The following GFPT2 variants were observed in gnomAD, a reference collection of about 807,000 sequenced individuals.
GFPT2 encodes the protein glutamine--fructose-6-phosphate aminotransferase [isomerizing] 2.
GFPT2 carries 62 observed loss-of-function variants against 85.6 expected under a neutral mutation model. The observed-to-expected ratio is 0.72, with a 90% CI of 0.59 to 0.90. GFPT2 has a LOEUF of 0.90. GFPT2 is among the 40% of genes least tolerant of loss of function. The pLI is 0.00. For missense variants in GFPT2, 788 were observed against 893.4 expected (o/e 0.88, Z 1.50); for synonymous variants, 368 against 344.5 (o/e 1.07, Z -0.75).
At position 180,330,901 on chromosome 5, in the gene GFPT2, T is replaced by C; in HGVS notation, c.400-67A>G. The C allele has an allele frequency of 7.0e-7, 1 of 1,436,540 alleles. No individual in the cohort carries two copies. The highest frequency in any genetic ancestry group is 1.4e-5 in the African/African-American group (1 of 71,578). 89.0% of individuals were successfully genotyped at this position (1,436,540 alleles called of 1,614,324 possible). ...CACAATGCCTGCCTGGCCAACTCCC[T>C]CTCCTCCCTGGTGATCTGCCCTTGG... On this transcript the variant is annotated intron_variant, in intron 5 of 18. Coordinates refer to ENST00000253778, the MANE Select transcript of GFPT2 (RefSeq NM_005110.4). The surrounding 1 kb of genome is among the most constrained non-coding windows in gnomAD (Gnocchi z 4.4).
intron 18 of GFPT2, among the ~76,000 whole-genome samples, chr5:180,302,219 G>A (rs1387912710): frequency 6.6e-6 from 1 of 151,354 alleles, no homozygotes; most frequent in Non-Finnish European, 1.5e-5. Flanking sequence ...CCCAGGAGGT[G>A]GAGCTTGCAG....
intron 2 of GFPT2, among the ~76,000 whole-genome samples, 158 bp downstream of exon 2, chr5:180,338,335 A>G (rs551770856): frequency 7.9e-5 from 12 of 152,152 alleles, no homozygotes; most frequent in African/African-American, 2.9e-4. Flanking sequence ...TAGTTTTCGA[A>G]TTTCTTTAAC....
At chr5:180,314,847 A>G (rs1763969701) in intron 13 of GFPT2, among the ~76,000 whole-genome samples, 1 of 152,208 alleles carries the variant, frequency 6.6e-6, no homozygotes, top group South Asian at 2.1e-4. Context: ...GCTGACTTCT[A>G]TACACACAGA....
In GFPT2 at chr5:180,307,147, GGGGGTGGGGGC is replaced by G. The variant is rs753971807; in HGVS notation, c.1674+18_1674+28del. 1.5e-5 allele frequency: 14 copies of G among 952,178 alleles called. No homozygotes were observed. The East Asian group carries it at 8.5e-4, about 58-fold the overall frequency. The allele number at this position is 952,178 out of a possible 1,614,324, so 59.0% of individuals were successfully genotyped here. ...AGGGTCTCCTGTGCCTGTCCTCCGT[GGGGGTGGGGGC>G]TGGGGGTGGGGGCTCACCAGGGCTC... On this transcript the variant is annotated intron_variant, in intron 16 of 18. Transcript: ENST00000253778.
chr5:180,336,928 A>G (rs1485801718), intron 2 of GFPT2, among the ~76,000 whole-genome samples: 1 of 152,222 alleles, frequency 6.6e-6, no homozygotes, highest in Non-Finnish European at 1.5e-5. Flanking sequence ...TCGCATTGTG[A>G]TATTTCGTTG....
intron 16 of GFPT2, among the ~76,000 whole-genome samples, chr5:180,306,534 C>G (rs1763781546): frequency 6.6e-6 from 1 of 152,262 alleles, no homozygotes; most frequent in Non-Finnish European, 1.5e-5. Flanking sequence ...GCACCCTGTC[C>G]CTGCCCCATC....
chr5:180,338,075 A>G (rs1260395057), intron 2 of GFPT2, among the ~76,000 whole-genome samples: 4 of 152,144 alleles, frequency 2.6e-5, no homozygotes, highest in Admixed American at 2.0e-4. Flanking sequence ...CAGTGAGCCA[A>G]TTTCTTGGAA....
chr5:180,327,332 TA>T (rs994639309), intron 7 of GFPT2, among the ~76,000 whole-genome samples: 3 of 152,196 alleles, frequency 2.0e-5, no homozygotes, highest in Non-Finnish European at 2.9e-5. Flanking sequence ...CAGGTGTCAG[TA>T]AACACACACT....
At chr5:180,315,428 T>C (rs889197849) in intron 13 of GFPT2, among the ~76,000 whole-genome samples, 1 of 152,170 alleles carries the variant, frequency 6.6e-6, no homozygotes, top group Non-Finnish European at 1.5e-5. Flanking sequence ...TCCGCCCACC[T>C]CAGCCTCCCA....
At chr5:180,315,232 C>G (rs1414768452) in intron 13 of GFPT2, among the ~76,000 whole-genome samples, 1 of 150,902 alleles carries the variant, frequency 6.6e-6, no homozygotes, top group Non-Finnish European at 1.5e-5. Context: ...GGCTGGAGTG[C>G]AGTGGCGCGA....
At chr5:180,329,209 G>A (rs1764263251) in intron 6 of GFPT2, among the ~76,000 whole-genome samples, 1 of 152,204 alleles carries the variant, frequency 6.6e-6, no homozygotes. Flanking sequence ...CCAGGCCCCG[G>A]GTGGTCAGCG....
intron 10 of GFPT2, among the ~76,000 whole-genome samples, chr5:180,317,902 A>C (rs1039551790): frequency 6.6e-6 from 1 of 152,112 alleles, no homozygotes; most frequent in Non-Finnish European, 1.5e-5. Context: ...ACCCACAGGC[A>C]GGGCAGGCCG....
intron 15 of GFPT2, among the ~76,000 whole-genome samples, chr5:180,308,640 G>C (rs1763821747): frequency 6.6e-6 from 1 of 152,108 alleles, no homozygotes; most frequent in African/African-American, 2.4e-5. Flanking sequence ...TTCTTGAAAG[G>C]GTAGGTGCCA....
At chr5:180,351,252 A>G (rs1399926892) in intron 1 of GFPT2, among the ~76,000 whole-genome samples, 1 of 152,244 alleles carries the variant, frequency 6.6e-6, no homozygotes, top group Non-Finnish European at 1.5e-5. Flanking sequence ...GCCTGCTCTG[A>G]GCCAGGAATG....
In GFPT2 at chr5:180,342,793, T is replaced by G. The variant is rs191279958; in HGVS notation, c.8-4193A>C. Among the ~76,000 whole-genome samples the G allele has an allele frequency of 4.8e-3, 732 of 151,836 alleles. 6 individuals carry two copies. Among genetic ancestry groups the G allele is most frequent in the African/African-American group, 0.017 (705 of 41,426 alleles). On this transcript the variant is annotated intron_variant, in intron 1 of 18. Coordinates refer to ENST00000253778, the MANE Select transcript of GFPT2 (RefSeq NM_005110.4). ...GGTGCGTGCCTGTAATCCCAGCTAC[T>G]CAGGAGGCTGAGGCAGGAGAATCTC... is the stretch of plus-strand genomic sequence containing the variant.
At position 180,302,511 on chromosome 5, in the gene GFPT2, G is replaced by C. The variant is rs1465472772; in HGVS notation, c.1916C>G (p.Pro639Arg). Residue 639 changes from proline (P) to arginine (R), a missense_variant, in exon 18 of 19, where the codon CCC becomes CGC. Transcript: ENST00000253778. ...GCCCTGGAGGCAGTCCACAGTGTGG[G>C]GCAGCTCAATTGTCTTATACGCAAA... ...SKFAYKTIEL[P>R]HTVDCLQGIL... 3.1e-6 allele frequency: 5 copies of C among 1,613,978 alleles called. No individual in the cohort carries two copies. Among genetic ancestry groups the C allele is most frequent in the Non-Finnish European group, 4.2e-6 (5 of 1,179,882 alleles).
intron 9 of GFPT2, among the ~76,000 whole-genome samples, chr5:180,321,531 C>T (rs986983917): frequency 6.6e-6 from 1 of 152,196 alleles, no homozygotes; most frequent in African/African-American, 2.4e-5. Flanking sequence ...AAGAGCTGTG[C>T]CTTCCCCAGA....
intron 17 of GFPT2, 77 bp downstream of exon 17, chr5:180,304,695 C>T (rs729652): frequency 0.39 from 509,421 of 1,308,294 alleles, 101,211 homozygotes; most frequent in Non-Finnish European, 0.41. Flanking sequence ...ATCACTGGTA[C>T]TGGCAGACAG....
At chr5:180,331,628 G>T in intron 4 of GFPT2, 75 bp from the exon 5 acceptor site, 1 of 883,800 alleles carries the variant, frequency 1.1e-6, no homozygotes, top group Non-Finnish European at 1.9e-6. Context: ...TGATTTCAAG[G>T]CTTGAGAACT....
Sources: gnomAD v4.1 joint callset for allele counts (sites outside exome capture counted in the v4.1 genomes callset) on GRCh38, gnomAD v4.1.1 for gene constraint, Gnocchi (gnomAD v3.1) non-coding constraint, MANE v1.5 for transcripts, NCBI Gene and HGNC (gene_info 2026-07-23, HGNC 2026-07-21) for gene names.